RAD51B: variants seen among roughly 807,000 people sequenced by gnomAD.
RAD51B encodes DNA repair protein RAD51 homolog 2.
A neutral mutation model predicts 42.2 loss-of-function variants in RAD51B; 38 were observed. That is an observed-to-expected ratio of 0.90 (90% CI 0.70 to 1.18). RAD51B has a LOEUF of 1.18. Ranked by LOEUF, RAD51B falls within the 50% of genes most tolerant of loss-of-function variation. The pLI is 0.00. For missense variants in RAD51B, 373 were observed against 400.7 expected (o/e 0.93, Z 0.59); for synonymous variants, 154 against 145.2 (o/e 1.06, Z -0.43).
At chr14:68,328,668 G>A (rs1057175710) in intron 8 of RAD51B, among the ~76,000 whole-genome samples, 1 of 151,900 alleles carries the variant, frequency 6.6e-6, no homozygotes, top group African/African-American at 2.4e-5. Flanking sequence ...TCTGAACTTG[G>A]GTCAGACCAA....
At chr14:67,919,070 G>T (rs2044243133) in intron 7 of RAD51B, among the ~76,000 whole-genome samples, 1 of 152,178 alleles carries the variant, frequency 6.6e-6, no homozygotes, top group Admixed American at 6.5e-5. Flanking sequence ...GAGCAGGAAG[G>T]TGGAAACTCC....
intron 7 of RAD51B, among the ~76,000 whole-genome samples, chr14:68,045,895 A>G (rs2076291709): frequency 6.6e-6 from 1 of 152,068 alleles, no homozygotes. Context: ...ATTTAAAAAT[A>G]TATAAATATT....
intron 7 of RAD51B, among the ~76,000 whole-genome samples, chr14:68,041,758 C>G (rs1442264632): frequency 6.6e-6 from 1 of 152,202 alleles, no homozygotes; most frequent in Non-Finnish European, 1.5e-5. Flanking sequence ...CTCTTAGCTT[C>G]TTTTCCTTCT....
intron 10 of RAD51B, among the ~76,000 whole-genome samples, chr14:68,647,782 G>A (rs1238656752): frequency 1.3e-5 from 2 of 151,902 alleles, no homozygotes; most frequent in Middle Eastern, 3.2e-3. Flanking sequence ...AGGTTCAAGC[G>A]ATTCTCCTGC....
chr14:68,388,076 GTGTA>G (rs1271175414), intron 8 of RAD51B, among the ~76,000 whole-genome samples: 7 of 96,652 alleles, frequency 7.2e-5, no homozygotes, highest in African/African-American at 2.5e-4. Context: ...GTGTGTGTGT[GTGTA>G]TATATATATA....
intron 11 of RAD51B, among the ~76,000 whole-genome samples, chr14:68,652,242 G>A (rs535116171): frequency 3.9e-5 from 6 of 152,188 alleles, no homozygotes; most frequent in South Asian, 2.1e-4. Context: ...TCCAGATGCC[G>A]AGGCCACGCA....
intron 7 of RAD51B, among the ~76,000 whole-genome samples, chr14:68,134,614 C>A: frequency 6.6e-6 from 1 of 151,918 alleles, no homozygotes; most frequent in East Asian, 1.9e-4. Flanking sequence ...TTTTTAAATG[C>A]CATTTTTGAT....
At chr14:68,573,301 G>C (rs1365172070) in intron 10 of RAD51B, among the ~76,000 whole-genome samples, 1 of 151,876 alleles carries the variant, frequency 6.6e-6, no homozygotes, top group Admixed American at 6.6e-5. Context: ...GTGCCCCCTC[G>C]CACTCTCCTC....
chr14:68,031,006 G>C (rs1304982086), intron 7 of RAD51B, among the ~76,000 whole-genome samples: 1 of 152,214 alleles, frequency 6.6e-6, no homozygotes, highest in East Asian at 1.9e-4. Context: ...TAAGTTTACT[G>C]TCTTATAAGG....
intron 7 of RAD51B, among the ~76,000 whole-genome samples, chr14:68,021,325 T>C (rs192642539): frequency 1.3e-5 from 2 of 152,342 alleles, no homozygotes; most frequent in Non-Finnish European, 2.9e-5. Flanking sequence ...GGCAGCAATG[T>C]CTGCAATTTC....
At chr14:68,654,978 A>C (rs1369327740) in intron 11 of RAD51B, among the ~76,000 whole-genome samples, 1 of 151,970 alleles carries the variant, frequency 6.6e-6, no homozygotes, top group African/African-American at 2.4e-5. Context: ...GAGTGAAAGG[A>C]GGGAGTAGGA....
chr14:67,820,677 T>G (rs950186276), intron 1 of RAD51B, among the ~76,000 whole-genome samples: 3 of 152,012 alleles, frequency 2.0e-5, no homozygotes, highest in Non-Finnish European at 4.4e-5. Context: ...CTGGGGAAGG[T>G]TTTGTGGAGG....
At chr14:68,264,075 C>T (rs1451115006) in intron 7 of RAD51B, among the ~76,000 whole-genome samples, 2 of 152,338 alleles carry the variant, frequency 1.3e-5, no homozygotes, top group Admixed American at 1.3e-4. Flanking sequence ...TAAACATACC[C>T]TCTAATCTAT....
rs1363291483 is a variant in RAD51B at position 68,109,842 on chromosome 14, C to T, written c.757-182042C>T. ...TAAAATGGATTATATTTTAGCCTCT[C>T]GTCAGATTGAATGCTAAGTATCCCT... On this transcript the variant is annotated intron_variant, in intron 7 of 10. Transcript: ENST00000471583. Among the ~76,000 whole-genome samples the T allele has an allele frequency of 3.3e-5, 5 of 151,948 alleles. No individual in the cohort carries two copies. The South Asian group carries it at 6.2e-4, about 19-fold the overall frequency.
intron 8 of RAD51B, among the ~76,000 whole-genome samples, chr14:68,301,605 T>G (rs1214215601): frequency 2.7e-5 from 4 of 149,444 alleles, no homozygotes; most frequent in Admixed American, 6.6e-5. Context: ...TTTTTTTTTT[T>G]TTTTTTTTTG....
chr14:68,410,045 A>G (rs373565695), intron 8 of RAD51B, among the ~76,000 whole-genome samples: 17 of 152,292 alleles, frequency 1.1e-4, no homozygotes, highest in African/African-American at 4.1e-4. Context: ...TATCTGACCC[A>G]GGGGTTCTCA....
intron 10 of RAD51B, among the ~76,000 whole-genome samples, chr14:68,502,564 CA>C (rs1884998989): frequency 6.6e-6 from 1 of 152,158 alleles, no homozygotes; most frequent in Admixed American, 6.5e-5. Flanking sequence ...TCAAAGCACA[CA>C]AAAAATGCAA....
At chr14:68,129,356 AAG>A (rs1277179788) in intron 7 of RAD51B, among the ~76,000 whole-genome samples, 11 of 152,198 alleles carry the variant, frequency 7.2e-5, no homozygotes, top group African/African-American at 2.4e-4. Flanking sequence ...CTAAAACTTA[AAG>A]ACTTACACAT....
At chr14:67,821,667 G>T (rs1377639630) in intron 1 of RAD51B, among the ~76,000 whole-genome samples, 1 of 152,036 alleles carries the variant, frequency 6.6e-6, no homozygotes, top group African/African-American at 2.4e-5. Flanking sequence ...TCTCTATGTT[G>T]CCCAGGCTGG....
Sources: gnomAD v4.1 joint callset for allele counts (sites outside exome capture counted in the v4.1 genomes callset) on GRCh38, gnomAD v4.1.1 for gene constraint, MANE v1.5 for transcripts, NCBI Gene and HGNC (gene_info 2026-07-23, HGNC 2026-07-21) for gene names.